ACTN2: variants seen among roughly 807,000 people sequenced by gnomAD.
ACTN2 encodes the protein actinin alpha 2.
ACTN2 carries 39 observed loss-of-function variants against 113.8 expected under a neutral mutation model. That is an observed-to-expected ratio of 0.34 (90% CI 0.27 to 0.45). The LOEUF (loss-of-function observed/expected upper bound fraction) is 0.45. ACTN2 is among the 20% of genes least tolerant of loss of function. The pLI is 1.00. For missense variants in ACTN2, 992 were observed against 1,177.9 expected (o/e 0.84, Z 2.31); for synonymous variants, 429 against 444.1 (o/e 0.97, Z 0.43).
intron 7 of ACTN2, among the ~76,000 whole-genome samples, chr1:236,732,121 G>A (rs1486838828): frequency 1.3e-5 from 2 of 152,230 alleles, no homozygotes; most frequent in Non-Finnish European, 2.9e-5. Context: ...GGAAAACTAA[G>A]GAAATTGATT....
intron 1 of ACTN2, among the ~76,000 whole-genome samples, chr1:236,711,287 A>G (rs1658017384): frequency 6.6e-6 from 1 of 152,220 alleles, no homozygotes; most frequent in Non-Finnish European, 1.5e-5. Flanking sequence ...ACACTGTTGA[A>G]CACTGTTTTC....
chr1:236,702,261 G>C (rs1388084174), intron 1 of ACTN2, among the ~76,000 whole-genome samples: 2 of 152,136 alleles, frequency 1.3e-5, no homozygotes, highest in Non-Finnish European at 2.9e-5. Context: ...ATGAAGTAAA[G>C]CTAGCCGACA....
chr1:236,719,855 G>T (rs1216285265), intron 3 of ACTN2, among the ~76,000 whole-genome samples: 1 of 151,898 alleles, frequency 6.6e-6, no homozygotes, highest in Non-Finnish European at 1.5e-5. Flanking sequence ...CTCCCGGGTG[G>T]TTTTCACTGA....
chr1:236,715,739 T>G (rs376081211), intron 1 of ACTN2, among the ~76,000 whole-genome samples: 6 of 152,292 alleles, frequency 3.9e-5, no homozygotes, highest in South Asian at 4.1e-4. Context: ...ATGGATCACC[T>G]GAAGTCAGGA....
At chr1:236,720,517 A>G (rs772653752) in intron 4 of ACTN2, among the ~76,000 whole-genome samples, 5 of 152,140 alleles carry the variant, frequency 3.3e-5, no homozygotes, top group Non-Finnish European at 7.3e-5. Context: ...TACAACTGAA[A>G]CACTTTCTTT....
intron 1 of ACTN2, among the ~76,000 whole-genome samples, chr1:236,689,764 T>A (rs748162632): frequency 6.6e-6 from 1 of 152,218 alleles, no homozygotes; most frequent in East Asian, 1.9e-4. Context: ...AATTGGGACC[T>A]CTTCAGTGGA....
intron 1 of ACTN2, among the ~76,000 whole-genome samples, chr1:236,709,945 T>C (rs4659702): frequency 0.41 from 62,663 of 152,186 alleles, 15,582 homozygotes; most frequent in Non-Finnish European, 0.56. Context: ...AATGTATAGA[T>C]ATGTTGCCAA....
intron 1 of ACTN2, among the ~76,000 whole-genome samples, chr1:236,702,378 T>C (rs1176193914): frequency 6.6e-6 from 1 of 152,342 alleles, no homozygotes; most frequent in African/African-American, 2.4e-5. Context: ...TTTAAATAAT[T>C]GCGTAAGAAA....
intron 18 of ACTN2, among the ~76,000 whole-genome samples, chr1:236,758,379 G>A (rs900149475): frequency 2.3e-4 from 34 of 149,412 alleles, no homozygotes; most frequent in Admixed American, 7.4e-4. Context: ...TCCGCCTCCC[G>A]GGCTCAAGCA....
chr1:236,736,466 A>T, intron 8 of ACTN2: 1 of 752,974 alleles, frequency 1.3e-6, no homozygotes, highest in Non-Finnish European at 2.1e-6. Flanking sequence ...TCAGACAGTT[A>T]TGGTTCAAGG....
chr1:236,709,013 A>G (rs1362124990), intron 1 of ACTN2, among the ~76,000 whole-genome samples: 1 of 151,860 alleles, frequency 6.6e-6, no homozygotes, highest in African/African-American at 2.4e-5. Flanking sequence ...TGTGAAGTGG[A>G]AAAGAACACT....
intron 1 of ACTN2, among the ~76,000 whole-genome samples, chr1:236,705,398 C>T (rs1657795535): frequency 6.6e-6 from 1 of 152,164 alleles, no homozygotes; most frequent in South Asian, 2.1e-4. Context: ...TGTTCTTCAA[C>T]TCATTAATGA....
chr1:236,729,256 G>A (rs934307764), intron 6 of ACTN2, among the ~76,000 whole-genome samples: 4 of 151,430 alleles, frequency 2.6e-5, no homozygotes, highest in Non-Finnish European at 4.4e-5. Context: ...CCCAGGAGGC[G>A]GAGGTTGCAG....
intron 1 of ACTN2, among the ~76,000 whole-genome samples, chr1:236,706,394 G>A (rs1298936652): frequency 6.6e-6 from 1 of 152,138 alleles, no homozygotes; most frequent in Non-Finnish European, 1.5e-5. Context: ...GCTTCTCTGT[G>A]TGTCACTTTC....
At chr1:236,711,597 A>G (rs554298807) in intron 1 of ACTN2, among the ~76,000 whole-genome samples, 1 of 152,242 alleles carries the variant, frequency 6.6e-6, no homozygotes, top group South Asian at 2.1e-4. Flanking sequence ...TGATCCACCC[A>G]CCTTGGCCTC....
At chr1:236,759,123 G>A (rs1343241846) in intron 18 of ACTN2, among the ~76,000 whole-genome samples, 1 of 152,194 alleles carries the variant, frequency 6.6e-6, no homozygotes, top group Non-Finnish European at 1.5e-5. Context: ...CACAGAGATG[G>A]ATATTGACGT....
In ACTN2 at chr1:236,744,682, C is replaced by T. The variant is rs563171274; in HGVS notation, c.1312C>T (p.Arg438Trp). ...DYESASLTEV[R>W]ALLRKHEAFE... is the part of the protein sequence containing the mutation. The stretch of plus-strand genomic sequence containing the variant: ...CGAGTCGGCGTCGCTGACAGAGGTG[C>T]GGGCTCTGCTGCGGAAGCACGAGGC... Residue 438 changes from arginine to tryptophan, a missense_variant, in exon 12 of 21, where the codon CGG becomes TGG. Coordinates refer to ENST00000366578, the MANE Select transcript of ACTN2 (RefSeq NM_001103.4). 2.8e-5 allele frequency: 46 copies of T among 1,614,228 alleles called. No homozygotes were observed. The highest frequency in any genetic ancestry group is 5.3e-5 in the African/African-American group (4 of 75,072).
intron 1 of ACTN2, among the ~76,000 whole-genome samples, chr1:236,696,449 T>C (rs973907207): frequency 2.3e-4 from 35 of 152,168 alleles, no homozygotes; most frequent in African/African-American, 8.2e-4. Context: ...TCTAAAGTCA[T>C]GTGGAGTCTT....
At chr1:236,703,009 G>A (rs956857665) in intron 1 of ACTN2, among the ~76,000 whole-genome samples, 7 of 152,058 alleles carry the variant, frequency 4.6e-5, no homozygotes, top group Non-Finnish European at 7.4e-5. Flanking sequence ...CCCAGTTGCC[G>A]GATGGGTTGA....
Sources: allele counts gnomAD v4.1 joint callset (sites outside exome capture counted in the v4.1 genomes callset), GRCh38; gene constraint gnomAD v4.1.1; transcripts MANE v1.5; gene names NCBI Gene and HGNC (gene_info 2026-07-23, HGNC 2026-07-21).